CHLSN: variants seen among roughly 807,000 people sequenced by gnomAD.
The protein encoded by CHLSN is protein cholesin.
the CHLSN span, among the ~76,000 whole-genome samples, chr7:1,059,712 T>A: frequency 1.0e-4 from 3 of 29,078 alleles, no homozygotes; most frequent in Admixed American, 1.2e-3. Flanking sequence ...GTGAGGTGGG[T>A]CTTAGCGGGG....
chr7:988,494 C>A, the CHLSN span: 1 of 1,600,842 alleles, frequency 6.2e-7, no homozygotes, highest in Admixed American at 1.7e-5. Context: ...CTCCGCCTGC[C>A]GCCTCTGCAC....
At chr7:1,133,392 C>CAAAAAAAAAAAAAAAAAAAAA in the CHLSN span, among the ~76,000 whole-genome samples, 1 of 91,098 alleles carries the variant, frequency 1.1e-5, no homozygotes, top group African/African-American at 4.0e-5. Context: ...CGATATACTG[C>CAAAAAAAAAAAAAAAAAAAAA]AAAAAAAAAA....
the CHLSN span, among the ~76,000 whole-genome samples, chr7:1,006,982 C>T: frequency 6.6e-6 from 1 of 152,178 alleles, no homozygotes; most frequent in African/African-American, 2.4e-5. Context: ...CCAAGGTCAC[C>T]GTGTGGGGAT....
the CHLSN span, among the ~76,000 whole-genome samples, chr7:1,083,460 TA>T: frequency 2.0e-5 from 3 of 149,220 alleles, no homozygotes; most frequent in African/African-American, 2.5e-5. Context: ...CCATCTCTAC[TA>T]AAAAAAAATA....
the CHLSN span, chr7:1,021,459 G>C: frequency 2.1e-5 from 21 of 985,312 alleles, no homozygotes; most frequent in Non-Finnish European, 2.3e-5. Context: ...AAGTCTGATC[G>C]GCAGTGGTGG....
the CHLSN span, among the ~76,000 whole-genome samples, chr7:1,043,165 G>A: frequency 6.6e-6 from 1 of 151,982 alleles, no homozygotes; most frequent in Admixed American, 6.6e-5. Flanking sequence ...GGCTGAGGCT[G>A]CAGTAAGCCA....
At chr7:1,072,702 G>A in the CHLSN span, among the ~76,000 whole-genome samples, 2 of 120,480 alleles carry the variant, frequency 1.7e-5, no homozygotes, top group Non-Finnish European at 3.2e-5. Context: ...TTTTTTTTGA[G>A]ATGGAGTCTC....
the CHLSN span, among the ~76,000 whole-genome samples, chr7:1,030,039 A>T: frequency 6.6e-6 from 1 of 152,160 alleles, no homozygotes; most frequent in African/African-American, 2.4e-5. Flanking sequence ...TCAGAGAAGG[A>T]AGTGTGTGCT....
the CHLSN span, among the ~76,000 whole-genome samples, chr7:1,101,165 C>T: frequency 1.3e-5 from 2 of 152,284 alleles, no homozygotes; most frequent in Non-Finnish European, 2.9e-5. Flanking sequence ...TGCTCTCGCA[C>T]ACACCCAGGC....
At chr7:1,035,793 A>G in the CHLSN span, among the ~76,000 whole-genome samples, 89 of 152,254 alleles carry the variant, frequency 5.8e-4, no homozygotes, top group Non-Finnish European at 9.7e-4. Context: ...CTTGGTATTC[A>G]CCCACATGAA....
the CHLSN span, among the ~76,000 whole-genome samples, chr7:1,032,532 A>G: frequency 6.7e-6 from 1 of 149,544 alleles, no homozygotes; most frequent in East Asian, 2.0e-4. Context: ...AGGCACCCCC[A>G]GGTGACAGTG....
chr7:1,108,359 A>ACTGGAGTCCCGCG, the CHLSN span, among the ~76,000 whole-genome samples: 3 of 84,724 alleles, frequency 3.5e-5, no homozygotes, highest in Admixed American at 1.1e-4. Flanking sequence ...TGTGTCCCGC[A>ACTGGAGTCCCGCG]CCCCGGGGGG....
the CHLSN span, among the ~76,000 whole-genome samples, chr7:1,020,459 C>T: frequency 2.0e-5 from 3 of 152,336 alleles, no homozygotes; most frequent in East Asian, 3.9e-4. Context: ...TCTTGCGTCT[C>T]CACCCAAGGG....
the CHLSN span, among the ~76,000 whole-genome samples, chr7:1,000,158 G>T: frequency 6.6e-6 from 1 of 152,204 alleles, no homozygotes; most frequent in South Asian, 2.1e-4. Context: ...GGCACCGGGA[G>T]ACCTGCCCTG....
At chr7:997,498 G>A in the CHLSN span, 3 of 769,732 alleles carry the variant, frequency 3.9e-6, no homozygotes, top group Admixed American at 3.7e-5. Flanking sequence ...ACCACCGGAG[G>A]AGCTGAAAGC....
chr7:1,084,349 G>A, the CHLSN span, among the ~76,000 whole-genome samples: 1 of 152,272 alleles, frequency 6.6e-6, no homozygotes, highest in Non-Finnish European at 1.5e-5. Flanking sequence ...TCCATCATCA[G>A]AGAATGTGTC....
At chr7:1,133,382 C>A in the CHLSN span, among the ~76,000 whole-genome samples, 2 of 124,298 alleles carry the variant, frequency 1.6e-5, no homozygotes, top group Non-Finnish European at 3.2e-5. Context: ...CACAATCCCT[C>A]GATATACTGC....
the CHLSN span, among the ~76,000 whole-genome samples, chr7:1,028,088 G>C: frequency 6.6e-6 from 1 of 151,634 alleles, no homozygotes; most frequent in Non-Finnish European, 1.5e-5. Context: ...CCCGAGAAGC[G>C]CGGCTCGGCC....
chr7:1,073,362 C>T, the CHLSN span, among the ~76,000 whole-genome samples: 1 of 152,096 alleles, frequency 6.6e-6, no homozygotes, highest in African/African-American at 2.4e-5. Context: ...GACAAGTGGC[C>T]GGCAGCTACT....
Sources: gnomAD v4.1 joint callset for allele counts (sites outside exome capture counted in the v4.1 genomes callset) on GRCh38, gnomAD v4.1.1 for gene constraint, MANE v1.5 for transcripts, NCBI Gene and HGNC (gene_info 2026-07-23, HGNC 2026-07-21) for gene names.